Variants in SERTAD4 observed in about 807,000 individuals in gnomAD.
The protein encoded by SERTAD4 is SERTA domain-containing protein 4.
In SERTAD4, 18 loss-of-function variants were observed where a neutral mutation model predicts 32.9. The observed-to-expected ratio is 0.55, with a 90% CI of 0.38 to 0.81. The LOEUF (loss-of-function observed/expected upper bound fraction) is 0.81. Ranked by LOEUF, SERTAD4 falls within the 30% of genes least tolerant of loss-of-function variation. The pLI, the probability that SERTAD4 is intolerant of heterozygous loss-of-function variation, is 0.00. For synonymous variants in SERTAD4, 150 were observed against 156.4 expected (o/e 0.96, Z 0.30); for missense variants, 383 against 426.0 (o/e 0.90, Z 0.89).
In SERTAD4 at chr1:210,241,554, G is replaced by C. The variant is rs370070819; in HGVS notation, c.292-4G>C. The stretch of plus-strand genomic sequence containing the variant: ...TTTTTCTTTTTTTTTTTTTTGGTTT[G>C]TAGACCATCTCAATTTTTGAGGAAC... On this transcript the variant is annotated splice_polypyrimidine_tract_variant and splice_region_variant and intron_variant, in intron 3 of 3. Transcript: ENST00000367012. The C allele has an allele frequency of 6.9e-6, 8 of 1,160,678 alleles. No individual in the cohort carries two copies. In the African/African-American group the frequency reaches 1.6e-4, roughly 24 times the overall value. 71.9% of individuals were successfully genotyped at this position (1,160,678 alleles called of 1,614,324 possible). A position where few individuals can be genotyped will look rare whatever the true frequency, so the allele number is the denominator to read the frequency against.
In SERTAD4 at chr1:210,241,523, TTTG is replaced by T. The variant is rs762513528; in HGVS notation, c.292-32_292-30del. The T allele has an allele frequency of 1.1e-5, 16 of 1,459,770 alleles. No individual in the cohort carries two copies. In the African/African-American group the frequency reaches 1.4e-4, roughly 13 times the overall value. The allele number at this position is 1,459,770 out of a possible 1,614,324, so 90.4% of individuals were successfully genotyped here. On this transcript the variant is annotated intron_variant, in intron 3 of 3. Transcript: ENST00000367012. ...TAAGCTTTCTCTCTTCCTTTTTCTG[TTTG>T]TTTTTTTCTTTTTTTTTTTTTTGGT... is the stretch of plus-strand genomic sequence containing the variant.
chr1:210,241,918 T>C lies in SERTAD4; in HGVS notation c.652T>C (p.Ser218Pro), dbSNP rs778228977. Reference sequence around the variant, plus strand: ...TGTTGGAAGTGCCTCCACTGCTGCCTCCTCTCCCTCCGCCTCTTCTTCCTC... The same window carrying C: ...TGTTGGAAGTGCCTCCACTGCTGCCCCCTCTCCCTCCGCCTCTTCTTCCTC... Reference protein sequence around the residue: ...ANVGSASTAASSPSASSSSSS... With the variant: ...ANVGSASTAAPSPSASSSSSS... Residue 218 changes from serine (S) to proline (P), a missense_variant, in exon 4 of 4, where the codon TCC becomes CCC. Transcript: ENST00000367012. The C allele has an allele frequency of 1.2e-6, 2 of 1,614,144 alleles. No homozygotes were observed. The highest frequency in any genetic ancestry group is 3.3e-5 in the Admixed American group (2 of 60,016).
intron 1 of SERTAD4, chr1:210,237,376 A>AT: frequency 6.5e-6 from 1 of 153,724 alleles, no homozygotes; most frequent in Admixed American, 6.5e-5. Context: ...GAGCCCCAGC[A>AT]TGTTGTAGAG....
rs760978033 is a variant in SERTAD4 at position 210,242,359 on chromosome 1, G to T, written c.*22G>T. 1.3e-6 allele frequency: 2 copies of T among 1,541,286 alleles called. No homozygotes were observed. The highest frequency in any genetic ancestry group is 1.7e-6 in the Non-Finnish European group (2 of 1,149,618). On this transcript the variant is annotated 3_prime_UTR_variant, in exon 4 of 4. Transcript: ENST00000367012. The surrounding 1 kb of genome is among the most constrained non-coding windows in gnomAD (Gnocchi z 4.0). ...ATGAGCCATCTTCTCACCGAACTTT[G>T]AAGCATGCACAGCATGATCAGTTAG...
chr1:210,235,117 C>T (rs1047458082), intron 1 of SERTAD4, among the ~76,000 whole-genome samples: 3 of 152,146 alleles, frequency 2.0e-5, no homozygotes, highest in African/African-American at 7.2e-5. Context: ...TTGAATCCAT[C>T]ACCTCTGATC....
chr1:210,237,725 T>C (rs2083954803), intron 1 of SERTAD4, among the ~76,000 whole-genome samples: 1 of 152,122 alleles, frequency 6.6e-6, no homozygotes, highest in African/African-American at 2.4e-5. Flanking sequence ...GATCCGCCCA[T>C]GAAATGCAGA....
At chr1:210,239,029 G>A (rs1289736994) in intron 2 of SERTAD4, among the ~76,000 whole-genome samples, 1 of 152,076 alleles carries the variant, frequency 6.6e-6, no homozygotes, top group African/African-American at 2.4e-5. Flanking sequence ...TAATCCCAAT[G>A]TGCAGATAAC....
At chr1:210,240,196 C>A (rs927327039) in intron 3 of SERTAD4, among the ~76,000 whole-genome samples, 5 of 144,040 alleles carry the variant, frequency 3.5e-5, no homozygotes, top group Admixed American at 6.7e-5. Flanking sequence ...AAAAAAAAAA[C>A]AAGATGGGGA....
intron 3 of SERTAD4, among the ~76,000 whole-genome samples, chr1:210,240,730 C>T (rs896362035): frequency 2.0e-5 from 3 of 152,322 alleles, no homozygotes; most frequent in Admixed American, 1.3e-4. Flanking sequence ...CTCGGCATCT[C>T]GTCTCCCACT....
At chr1:210,234,188 G>T (rs987755984) in intron 1 of SERTAD4, 6 of 230,378 alleles carry the variant, frequency 2.6e-5, no homozygotes, top group Non-Finnish European at 5.1e-5. Flanking sequence ...CTGCGGCACC[G>T]ACACCCCGGG....
Position 210,242,753 on chromosome 1 carries a change from T to G in SERTAD4, c.*416T>G, listed in dbSNP as rs938299556. 2.1e-5 allele frequency: 21 copies of G among 993,988 alleles called. No individual in the cohort carries two copies. Among genetic ancestry groups the G allele is most frequent in the Admixed American group, 5.9e-5 (1 of 16,852 alleles). 61.6% of individuals were successfully genotyped at this position (993,988 alleles called of 1,614,324 possible). ...AATATAACCAGCAAAGATACCTGCT[T>G]CTTCTATATGATACAATATTTTTTT... On this transcript the variant is annotated 3_prime_UTR_variant, in exon 4 of 4. Transcript: ENST00000367012. The surrounding 1 kb of genome is among the most constrained non-coding windows in gnomAD (Gnocchi z 4.0).
intron 3 of SERTAD4, among the ~76,000 whole-genome samples, 165 bp downstream of exon 3, chr1:210,239,773 T>C (rs2083977472): frequency 6.6e-6 from 1 of 152,230 alleles, no homozygotes; most frequent in East Asian, 1.9e-4. Context: ...TCCTGTGTTA[T>C]TTTTCACAAG....
intron 1 of SERTAD4, among the ~76,000 whole-genome samples, chr1:210,234,318 C>G (rs1215314160): frequency 6.6e-6 from 1 of 152,140 alleles, no homozygotes; most frequent in Non-Finnish European, 1.5e-5. Context: ...CCTTGGGCAC[C>G]AGGGCTCGGG....
chr1:210,241,737 T>G lies in SERTAD4; in HGVS notation c.471T>G (p.Asn157Lys). The change falls in exon 4 of 4, where the codon AAT (asparagine) becomes AAG (lysine). Residue 157 changes from asparagine (N) to lysine (K), a missense_variant. This residue lies in a region of SERTAD4 where 107 missense variants were observed against 158.8 expected (regional missense o/e 0.67). Transcript: ENST00000367012. ...NNWCFPACSF[N>K]GTSAQEWFMA... The stretch of plus-strand genomic sequence containing the variant: ...GGTGCTTCCCTGCCTGCTCTTTCAA[T>G]GGCACCTCTGCCCAAGAGTGGTTTA... 1 of 1,614,132 alleles carries G rather than the reference T, an allele frequency of 6.2e-7. No individual in the cohort carries two copies. Among genetic ancestry groups the G allele is most frequent in the Middle Eastern group, 1.6e-4 (1 of 6,062 alleles).
At position 210,244,711 on chromosome 1, in the gene SERTAD4, G is replaced by T. The variant is rs1403294028; in HGVS notation, c.*2374G>T. On this transcript the variant is annotated 3_prime_UTR_variant, in exon 4 of 4. Transcript: ENST00000367012. ...TTACTAGATAGTGTTTTTCTTGAAG[G>T]CCAAAGCTGTAAAATGACAAAGTTG... The T allele has an allele frequency of 6.6e-6, 1 of 151,850 alleles. No individual in the cohort carries two copies. Among genetic ancestry groups the T allele is most frequent in the African/African-American group, 2.4e-5 (1 of 41,332 alleles). 9.4% of individuals were successfully genotyped at this position (151,850 alleles called of 1,614,324 possible).
chr1:210,240,331 A>T (rs944907605), intron 3 of SERTAD4, among the ~76,000 whole-genome samples: 1 of 152,212 alleles, frequency 6.6e-6, no homozygotes, highest in Admixed American at 6.5e-5. Context: ...CACAGACCAT[A>T]GTTGTCTGAA....
In SERTAD4 at chr1:210,244,739, G is replaced by A. The variant is rs532017665; in HGVS notation, c.*2402G>A. ...AAAGCTGTAAAATGACAAAGTTGGT[G>A]ATTTTCAGCAGCACTCACCTGAGCT... On this transcript the variant is annotated 3_prime_UTR_variant, in exon 4 of 4. Transcript: ENST00000367012. 1 of 152,182 alleles carries A rather than the reference G, an allele frequency of 6.6e-6. No individual in the cohort carries two copies. The highest frequency in any genetic ancestry group is 2.1e-4 in the South Asian group (1 of 4,808). 9.4% of individuals were successfully genotyped at this position (152,182 alleles called of 1,614,324 possible).
rs775525465 is a variant in SERTAD4 at position 210,241,940 on chromosome 1, C to T, written c.674C>T (p.Ser225Phe). The change falls in exon 4 of 4, where the codon TCC becomes TTC. Residue 225 changes from serine to phenylalanine, a missense_variant. Ser to Phe is a radical substitution (Grantham distance 155). Coordinates refer to ENST00000367012, the MANE Select transcript of SERTAD4 (RefSeq NM_019605.5). ...TAASSPSASS[S>F]SSSSSSSPPL... ...GCCTCCTCTCCCTCCGCCTCTTCTT[C>T]CTCCTCATCTTCCTCTTCCTCTCCC... 1.1e-5 allele frequency: 17 copies of T among 1,614,036 alleles called. No homozygotes were observed. The highest frequency in any genetic ancestry group is 1.4e-5 in the Non-Finnish European group (17 of 1,180,018).
intron 3 of SERTAD4, among the ~76,000 whole-genome samples, chr1:210,240,249 T>C (rs2083981586): frequency 6.6e-6 from 1 of 152,016 alleles, no homozygotes; most frequent in Non-Finnish European, 1.5e-5. Context: ...GCTTTTGAAA[T>C]ATCAGTTCAT....
Sources: allele counts gnomAD v4.1 joint callset (sites outside exome capture counted in the v4.1 genomes callset), GRCh38; gene constraint gnomAD v4.1.1; regional missense constraint gnomAD v4.1.1; non-coding constraint Gnocchi (gnomAD v3.1); transcripts MANE v1.5; gene names NCBI Gene and HGNC (gene_info 2026-07-23, HGNC 2026-07-21).